CDH18: variants seen among roughly 807,000 people sequenced by gnomAD.
CDH18 encodes the protein cadherin-18.
In CDH18, 31 loss-of-function variants were observed where a neutral mutation model predicts 67.9. The observed-to-expected ratio is 0.46, with a 90% CI of 0.34 to 0.62. CDH18 has a LOEUF of 0.62. Ranked by LOEUF, CDH18 falls within the 20% of genes least tolerant of loss-of-function variation. CDH18 has a pLI of 0.01. For missense variants in CDH18, 890 were observed against 975.5 expected, an observed-to-expected ratio of 0.91 and a Z score of 1.17; for synonymous variants, 362 against 347.2, an observed-to-expected ratio of 1.04 and a Z score of -0.48.
chr5:20,396,291 G>A (rs937159120), intron 1 of CDH18, among the ~76,000 whole-genome samples: 2 of 151,886 alleles, frequency 1.3e-5, no homozygotes, highest in Admixed American at 6.6e-5. Context: ...CTGGAGATGT[G>A]CTTGGTATGA....
intron 1 of CDH18, among the ~76,000 whole-genome samples, chr5:20,427,680 T>G (rs1748407746): frequency 6.6e-6 from 1 of 151,180 alleles, no homozygotes; most frequent in Admixed American, 6.6e-5. Context: ...ATTTCCTCCT[T>G]ACTTCAGTAA....
At chr5:19,787,492 C>A (rs1168246015) in intron 3 of CDH18, among the ~76,000 whole-genome samples, 1 of 151,776 alleles carries the variant, frequency 6.6e-6, no homozygotes, top group East Asian at 1.9e-4. Flanking sequence ...GTCTTTTAAT[C>A]TTTTAATATA....
intron 2 of CDH18, among the ~76,000 whole-genome samples, chr5:19,979,246 G>A (rs1021592617): frequency 6.6e-6 from 1 of 151,370 alleles, no homozygotes; most frequent in Non-Finnish European, 1.5e-5. Flanking sequence ...GTGTGTGTGT[G>A]TTGAAGCAGA....
intron 1 of CDH18, among the ~76,000 whole-genome samples, chr5:20,541,045 T>C (rs919156969): frequency 6.6e-6 from 1 of 152,208 alleles, no homozygotes; most frequent in Non-Finnish European, 1.5e-5. Flanking sequence ...TGCTATTTGG[T>C]CATTGTCACA....
At chr5:19,942,647 T>C (rs1163770271) in intron 2 of CDH18, among the ~76,000 whole-genome samples, 3 of 152,114 alleles carry the variant, frequency 2.0e-5, no homozygotes, top group African/African-American at 7.2e-5. Context: ...CACAAGCTGA[T>C]AGATGTCACC....
chr5:20,148,899 T>C (rs1009518117), intron 2 of CDH18, among the ~76,000 whole-genome samples: 4 of 152,016 alleles, frequency 2.6e-5, no homozygotes, highest in African/African-American at 9.7e-5. Flanking sequence ...GCACCCGAGA[T>C]GTCCATGGGC....
intron 8 of CDH18, among the ~76,000 whole-genome samples, chr5:19,544,884 C>G (rs909466619): frequency 6.6e-6 from 1 of 152,074 alleles, no homozygotes; most frequent in East Asian, 1.9e-4. Context: ...CGATGGAGTG[C>G]CCCAGAGATA....
At chr5:20,446,607 T>A (rs1444833933) in intron 1 of CDH18, among the ~76,000 whole-genome samples, 1 of 152,216 alleles carries the variant, frequency 6.6e-6, no homozygotes, top group African/African-American at 2.4e-5. Flanking sequence ...TATTTCTCCC[T>A]AATTATGCCA....
chr5:19,792,227 T>C (rs1776436667), intron 3 of CDH18, among the ~76,000 whole-genome samples: 1 of 152,132 alleles, frequency 6.6e-6, no homozygotes, highest in South Asian at 2.1e-4. Context: ...AGGGTCTAGA[T>C]AGAACAATGA....
At chr5:20,025,625 G>C (rs1738828341) in intron 2 of CDH18, among the ~76,000 whole-genome samples, 3 of 152,174 alleles carry the variant, frequency 2.0e-5, no homozygotes, top group African/African-American at 7.2e-5. Flanking sequence ...ACCCTGACCA[G>C]TTTGTGTTGC....
chr5:20,414,407 C>T lies in CDH18; in HGVS notation c.-579-158902G>A, dbSNP rs1290295374. On this transcript the variant is annotated intron_variant, in intron 1 of 14. Coordinates refer to the CDH18 transcript ENST00000507958. The stretch of plus-strand genomic sequence containing the variant: ...TGCCTGCTCTCACTTAAAAGCGGGA[C>T]CTAAACAATGGCTATACAGGAACAT... Among the ~76,000 whole-genome samples, 15 of 152,012 alleles carry T rather than the reference C, an allele frequency of 9.9e-5. 1 individual carries two copies.
chr5:19,698,940 C>A (rs1185723385), intron 5 of CDH18, among the ~76,000 whole-genome samples: 1 of 152,016 alleles, frequency 6.6e-6, no homozygotes, highest in Non-Finnish European at 1.5e-5. Context: ...ATGTTTGTGG[C>A]AGTCTGTTTC....
intron 2 of CDH18, among the ~76,000 whole-genome samples, chr5:19,856,085 C>T (rs1561450474): frequency 6.6e-6 from 1 of 152,222 alleles, no homozygotes; most frequent in Non-Finnish European, 1.5e-5. Context: ...GAAATCATCA[C>T]ATTTCTCAAA....
chr5:20,291,423 A>G (rs998641114), intron 1 of CDH18, among the ~76,000 whole-genome samples: 6 of 152,184 alleles, frequency 3.9e-5, no homozygotes, highest in African/African-American at 9.7e-5. Context: ...GGAACCATGT[A>G]TAAAAAGATT....
chr5:19,571,283 G>A (rs1439892203), intron 8 of CDH18, among the ~76,000 whole-genome samples: 1 of 152,090 alleles, frequency 6.6e-6, no homozygotes, highest in Admixed American at 6.6e-5. Flanking sequence ...TCTAGTTTGT[G>A]ATTAAATAGC....
intron 4 of CDH18, among the ~76,000 whole-genome samples, chr5:19,740,152 TTC>T (rs1247377464): frequency 1.3e-5 from 2 of 152,176 alleles, no homozygotes; most frequent in East Asian, 3.8e-4. Flanking sequence ...ATAATATTTA[TTC>T]TCTCTCATAC....
chr5:19,503,507 G>T (rs1230778301), intron 10 of CDH18, among the ~76,000 whole-genome samples: 1 of 152,020 alleles, frequency 6.6e-6, no homozygotes, highest in Non-Finnish European at 1.5e-5. Context: ...CTGTATGTTG[G>T]TCTAAGTAGT....
At chr5:20,241,810 C>G (rs1742921354) in intron 2 of CDH18, among the ~76,000 whole-genome samples, 2 of 149,556 alleles carry the variant, frequency 1.3e-5, no homozygotes, top group Non-Finnish European at 3.0e-5. Flanking sequence ...CAAGATTGCG[C>G]CACTGCACTC....
At chr5:20,097,345 G>A (rs992627658) in intron 2 of CDH18, among the ~76,000 whole-genome samples, 2 of 152,054 alleles carry the variant, frequency 1.3e-5, no homozygotes, top group African/African-American at 4.8e-5. Context: ...TAATCATGGC[G>A]GAAGGTGAAG....
Sources: allele counts gnomAD v4.1 joint callset (sites outside exome capture counted in the v4.1 genomes callset), GRCh38; gene constraint gnomAD v4.1.1; transcripts MANE v1.5; gene names NCBI Gene and HGNC (gene_info 2026-07-23, HGNC 2026-07-21).